Variants in LINGO2 observed in about 807,000 individuals in gnomAD.
LINGO2 encodes the protein leucine rich repeat and Ig domain containing 2.
Under a neutral mutation model 30.6 loss-of-function variants are expected in LINGO2, and 14 were observed. The ratio of observed to expected loss-of-function variants is 0.46; its 90% confidence interval spans 0.30 to 0.72. The LOEUF is 0.72. Among genes scored for constraint, LINGO2 ranks in the 30% least tolerant of loss-of-function variants. The probability of loss-of-function intolerance (pLI) is 0.07; values close to 1 mark genes in which losing one functional copy is unlikely to be tolerated. For missense variants in LINGO2, 729 were observed against 751.7 expected, an observed-to-expected ratio of 0.97 and a Z score of 0.35; for synonymous variants, 317 against 288.5, an observed-to-expected ratio of 1.10 and a Z score of -1.00.
the LINGO2 span, among the ~76,000 whole-genome samples, chr9:28,922,376 AT>A: frequency 3.0e-4 from 45 of 150,214 alleles, no homozygotes; most frequent in East Asian, 3.1e-3. Flanking sequence ...AAAGAGTCAG[AT>A]TTTTTTTTTT....
At chr9:28,630,269 A>T (rs995448017) in intron 1 of LINGO2, among the ~76,000 whole-genome samples, 26 of 152,150 alleles carry the variant, frequency 1.7e-4, no homozygotes, top group African/African-American at 6.3e-4. Flanking sequence ...ATTCAAATGA[A>T]TGCATCATCA....
At position 28,148,627 on chromosome 9, in the gene LINGO2, G is replaced by C; in HGVS notation, c.-86-136222C>G. ...CCTTGGAGGGAAATGTCCACCTCAA[G>C]AGCTTGACAGAAAACAACCAGACTG... On this transcript the variant is annotated intron_variant, in intron 4 of 5. Transcript: ENST00000379992. This position sits in a 1 kb window ranked among gnomAD's most constrained non-coding sequence, Gnocchi z 5.1. 6.6e-7 allele frequency: 1 copy of C among 1,526,430 alleles called. No homozygotes were observed. The allele number at this position is 1,526,430 out of a possible 1,614,324, so 94.6% of individuals were successfully genotyped here. A position where few individuals can be genotyped will look rare whatever the true frequency, so the allele number is the denominator to read the frequency against.
chr9:28,625,483 C>CT (rs1826618520), intron 1 of LINGO2, among the ~76,000 whole-genome samples: 1 of 152,054 alleles, frequency 6.6e-6, no homozygotes, highest in African/African-American at 2.4e-5. Context: ...TATGATGGTA[C>CT]TTTTTTGTGT....
At chr9:28,727,442 C>T in the LINGO2 span, among the ~76,000 whole-genome samples, 2 of 152,036 alleles carry the variant, frequency 1.3e-5, no homozygotes, top group Non-Finnish European at 2.9e-5. Flanking sequence ...CCCGCCACCA[C>T]GTCTGGCTAA....
At chr9:29,086,551 A>T in the LINGO2 span, among the ~76,000 whole-genome samples, 1 of 152,162 alleles carries the variant, frequency 6.6e-6, no homozygotes, top group South Asian at 2.1e-4. Flanking sequence ...CAAGTTCCTT[A>T]TGAAAATGTT....
intron 5 of LINGO2, among the ~76,000 whole-genome samples, chr9:28,000,377 A>T (rs1364725899): frequency 2.7e-5 from 4 of 148,470 alleles, no homozygotes; most frequent in Non-Finnish European, 1.5e-5. Context: ...GAAAAGAAGG[A>T]GGAGAAAAAA....
intron 4 of LINGO2, among the ~76,000 whole-genome samples, chr9:28,137,487 G>A (rs766083796): frequency 1.1e-4 from 16 of 152,124 alleles, no homozygotes; most frequent in Admixed American, 2.0e-4. Context: ...TTGTTCTTGC[G>A]TCCTTCACAC....
At chr9:28,071,380 C>T (rs552143960) in intron 4 of LINGO2, among the ~76,000 whole-genome samples, 2 of 152,144 alleles carry the variant, frequency 1.3e-5, no homozygotes, top group South Asian at 4.2e-4. Context: ...GAAACTGCAA[C>T]AACACAATCT....
At chr9:29,176,168 C>T in the LINGO2 span, among the ~76,000 whole-genome samples, 2 of 152,310 alleles carry the variant, frequency 1.3e-5, no homozygotes, top group Non-Finnish European at 1.5e-5. Flanking sequence ...ATTATGATTA[C>T]TCCCATTTTA....
upstream of LINGO2, among the ~76,000 whole-genome samples, chr9:28,674,754 G>T (rs998746790): frequency 2.0e-5 from 3 of 152,094 alleles, no homozygotes. Context: ...GACAACACAG[G>T]CTTTAACACA....
intron 2 of LINGO2, among the ~76,000 whole-genome samples, chr9:28,424,513 G>A (rs1823326947): frequency 6.6e-6 from 1 of 152,130 alleles, no homozygotes; most frequent in Admixed American, 6.6e-5. Context: ...ACTGAGATTA[G>A]CAGAACCCAG....
intron 1 of LINGO2, among the ~76,000 whole-genome samples, chr9:28,606,250 C>A (rs188409165): frequency 1.2e-3 from 176 of 152,044 alleles, no homozygotes; most frequent in Admixed American, 6.3e-3. Context: ...TCAAGACTTA[C>A]AATGGGCACA....
the LINGO2 span, among the ~76,000 whole-genome samples, chr9:28,827,054 T>A: frequency 6.6e-6 from 1 of 152,190 alleles, no homozygotes; most frequent in Non-Finnish European, 1.5e-5. Flanking sequence ...TAGTCAATTA[T>A]AGTTAATAGC....
chr9:28,052,179 T>C (rs957408461), intron 4 of LINGO2, among the ~76,000 whole-genome samples: 2 of 152,100 alleles, frequency 1.3e-5, no homozygotes, highest in African/African-American at 4.8e-5. Flanking sequence ...AACAAAATTA[T>C]GGATTCTCAA....
At chr9:28,451,395 T>C (rs959050997) in intron 2 of LINGO2, among the ~76,000 whole-genome samples, 10 of 151,958 alleles carry the variant, frequency 6.6e-5, no homozygotes, top group Admixed American at 3.9e-4. Context: ...AACAATGGCA[T>C]TGAATGTGTA....
the LINGO2 span, among the ~76,000 whole-genome samples, chr9:28,859,784 A>G: frequency 6.6e-6 from 1 of 152,036 alleles, no homozygotes; most frequent in African/African-American, 2.4e-5. Flanking sequence ...TATTCAGCAA[A>G]TATATATTTT....
chr9:29,109,484 T>C, the LINGO2 span, among the ~76,000 whole-genome samples: 323 of 152,310 alleles, frequency 2.1e-3, no homozygotes, highest in African/African-American at 7.2e-3. Context: ...GGGAAGCAGA[T>C]GAATTACCTA....
At chr9:28,420,502 A>T (rs1306253097) in intron 2 of LINGO2, among the ~76,000 whole-genome samples, 1 of 151,922 alleles carries the variant, frequency 6.6e-6, no homozygotes, top group East Asian at 1.9e-4. Flanking sequence ...GTACAAACAC[A>T]TTTTTTTCAT....
chr9:29,115,259 A>G, the LINGO2 span, among the ~76,000 whole-genome samples: 1 of 152,126 alleles, frequency 6.6e-6, no homozygotes, highest in Non-Finnish European at 1.5e-5. Context: ...GTGAGTTCAG[A>G]GCAAGTTAGA....
Sources: gnomAD v4.1 joint callset for allele counts (sites outside exome capture counted in the v4.1 genomes callset) on GRCh38, gnomAD v4.1.1 for gene constraint, Gnocchi (gnomAD v3.1) non-coding constraint, MANE v1.5 for transcripts, NCBI Gene and HGNC (gene_info 2026-07-23, HGNC 2026-07-21) for gene names.